Variants in PAN3 observed in about 807,000 individuals in gnomAD.
PAN3 encodes PAN2-PAN3 deadenylation complex subunit PAN3.
PAN3 carries 19 observed loss-of-function variants against 96.2 expected under a neutral mutation model. That is an observed-to-expected ratio of 0.20 (90% CI 0.14 to 0.29). The LOEUF (loss-of-function observed/expected upper bound fraction) is 0.29, where lower values mean the gene tolerates loss of function less well. Ranked by LOEUF, PAN3 falls within the 10% of genes least tolerant of loss-of-function variation. The probability of loss-of-function intolerance (pLI) is 1.00; values close to 1 mark genes in which losing one functional copy is unlikely to be tolerated. For missense variants in PAN3, 882 were observed against 1,108.1 expected, an observed-to-expected ratio of 0.80 and a Z score of 2.90; for synonymous variants, 433 against 406.6, an observed-to-expected ratio of 1.06 and a Z score of -0.78.
chr13:28,254,007 G>C (rs1566231285), intron 6 of PAN3, among the ~76,000 whole-genome samples: 1 of 151,942 alleles, frequency 6.6e-6, no homozygotes, highest in Non-Finnish European at 1.5e-5. Context: ...TCTACTTTTT[G>C]TCTCACTTAC....
At chr13:28,153,232 CTTT>C (rs10651877) in intron 1 of PAN3, among the ~76,000 whole-genome samples, 2 of 101,528 alleles carry the variant, frequency 2.0e-5, no homozygotes, top group East Asian at 3.2e-4. Context: ...GTATAATACG[CTTT>C]TTTTTTTTTT....
intron 1 of PAN3, among the ~76,000 whole-genome samples, chr13:28,160,277 T>C (rs1872736918): frequency 6.6e-6 from 1 of 152,120 alleles, no homozygotes. Flanking sequence ...TATAGTAGGC[T>C]TTTTTGACTT....
At chr13:28,170,594 A>C (rs1874174927) in intron 1 of PAN3, among the ~76,000 whole-genome samples, 1 of 152,198 alleles carries the variant, frequency 6.6e-6, no homozygotes, top group East Asian at 1.9e-4. Flanking sequence ...CTATATTAGA[A>C]AACAATTTTA....
At position 28,273,533 on chromosome 13, in the gene PAN3, G is replaced by A. The variant is rs565325977; in HGVS notation, c.2049+1462G>A. Among the ~76,000 whole-genome samples, 6 of 152,092 alleles carry A rather than the reference G, an allele frequency of 3.9e-5. No individual in the cohort carries two copies. In the East Asian group the frequency reaches 1.2e-3, roughly 29 times the overall value. ...GGAGAATCGCTTGAACCTGGGAGGCGGAGGTTGCAGTGAGCTGAGATCGCA... is the reference window on the plus strand; with the variant it reads ...GGAGAATCGCTTGAACCTGGGAGGCAGAGGTTGCAGTGAGCTGAGATCGCA... On this transcript the variant is annotated intron_variant, in intron 14 of 18. Coordinates refer to ENST00000380958, the MANE Select transcript of PAN3 (RefSeq NM_175854.8).
chr13:28,271,735 TGA>T (rs1886639406), intron 13 of PAN3, among the ~76,000 whole-genome samples: 1 of 152,220 alleles, frequency 6.6e-6, no homozygotes, highest in Admixed American at 6.5e-5. Flanking sequence ...TCAAGAGATG[TGA>T]GTTATAGTTC....
intron 14 of PAN3, among the ~76,000 whole-genome samples, chr13:28,275,070 GA>G (rs1886949480): frequency 6.6e-6 from 1 of 152,184 alleles, no homozygotes; most frequent in Non-Finnish European, 1.5e-5. Context: ...CAAATGGGGG[GA>G]AACCAGATGG....
chr13:28,262,180 A>G (rs45575531), intron 9 of PAN3, among the ~76,000 whole-genome samples: 1,906 of 152,346 alleles, frequency 0.013, 21 homozygotes, highest in Non-Finnish European at 0.02. Context: ...TGAAGTTGAC[A>G]GGTTAAGTAA....
rs77522724 is a variant in PAN3 at position 28,142,774 on chromosome 13, G to C, written c.430+3687G>C. Among the ~76,000 whole-genome samples the C allele has an allele frequency of 6.8e-3, 1,039 of 152,154 alleles. 10 individuals carry two copies. Among genetic ancestry groups the C allele is most frequent in the African/African-American group, 0.024 (1,004 of 41,496 alleles). On this transcript the variant is annotated intron_variant, in intron 1 of 18. Transcript: ENST00000380958. Reference sequence around the variant, plus strand: ...ATTTAATATAGAAGTACAAATTTCTGGTTTCCCTTTAAGGATGTCTCTTAC... The same window carrying C: ...ATTTAATATAGAAGTACAAATTTCTCGTTTCCCTTTAAGGATGTCTCTTAC...
chr13:28,146,522 A>G (rs186675859), intron 1 of PAN3, among the ~76,000 whole-genome samples: 96 of 152,198 alleles, frequency 6.3e-4, no homozygotes, highest in Non-Finnish European at 9.6e-4. Flanking sequence ...TCCTGGCTAT[A>G]TTATCTAGGT....
chr13:28,214,005 C>G lies in PAN3; in HGVS notation c.853-6226C>G, dbSNP rs912482159. ...GATGTAGTAAAATAGTACAGCTAGG[C>G]TGGAGTATCGCTTGAGTGGCTGTAG... On this transcript the variant is annotated intron_variant, in intron 5 of 18. Transcript: ENST00000380958. 2.0e-5 allele frequency among the ~76,000 whole-genome samples: 3 copies of G among 152,018 alleles called. No homozygotes were observed. The East Asian group carries it at 5.8e-4, about 29-fold the overall frequency.
At position 28,176,444 on chromosome 13, in the gene PAN3, T is replaced by C. The variant is rs774234220; in HGVS notation, c.553-49T>C. The C allele has an allele frequency of 3.2e-6, 5 of 1,543,554 alleles. No individual in the cohort carries two copies. The South Asian group carries it at 3.3e-5, about 10-fold the overall frequency. On this transcript the variant is annotated intron_variant, in intron 2 of 18. Transcript: ENST00000380958. Reference sequence around the variant, plus strand: ...CCAGTCTTAATTGGTTGGATACTTTTATTTCTGTATTCCTCAGTGATGTTA... The same window carrying C: ...CCAGTCTTAATTGGTTGGATACTTTCATTTCTGTATTCCTCAGTGATGTTA...
intron 5 of PAN3, chr13:28,215,912 A>T (rs878979182): frequency 8.4e-6 from 10 of 1,192,362 alleles, no homozygotes; most frequent in Non-Finnish European, 1.1e-5. Context: ...TATCCCTAAT[A>T]CCTGCCACTC....
Position 28,199,399 on chromosome 13 carries a change from G to T in PAN3, c.852+2053G>T, listed in dbSNP as rs1000566532. Among the ~76,000 whole-genome samples, 21 of 152,142 alleles carry T rather than the reference G, an allele frequency of 1.4e-4. 1 individual carries two copies. The South Asian group carries it at 4.4e-3, about 32-fold the overall frequency. On this transcript the variant is annotated intron_variant, in intron 5 of 18. Coordinates refer to ENST00000380958, the MANE Select transcript of PAN3 (RefSeq NM_175854.8). The stretch of plus-strand genomic sequence containing the variant: ...TTTATTTATAATTAAAATAGTAATA[G>T]ATTTGCATTAATGTGTGAAATATTG...
intron 1 of PAN3, among the ~76,000 whole-genome samples, chr13:28,143,536 A>G (rs1870163194): frequency 6.6e-6 from 1 of 152,228 alleles, no homozygotes; most frequent in Non-Finnish European, 1.5e-5. Context: ...TGAATAAGAC[A>G]TGTTTCAGAT....
At chr13:28,186,978 A>C (rs898792193) in intron 4 of PAN3, among the ~76,000 whole-genome samples, 3 of 152,160 alleles carry the variant, frequency 2.0e-5, no homozygotes, top group African/African-American at 7.2e-5. Flanking sequence ...CTTTGGGAAG[A>C]TGAGGCAAGA....
chr13:28,230,552 C>CA (rs1042548256), intron 6 of PAN3, among the ~76,000 whole-genome samples: 8 of 151,628 alleles, frequency 5.3e-5, no homozygotes, highest in Middle Eastern at 3.4e-3. Flanking sequence ...CATGTCCTGG[C>CA]AAAAAAAGAA....
At chr13:28,271,844 T>G (rs1593610952) in intron 13 of PAN3, 137 bp from the exon 14 acceptor site, 1 of 500,296 alleles carries the variant, frequency 2.0e-6, no homozygotes, top group South Asian at 3.3e-5. Flanking sequence ...TTGGTGGAGG[T>G]GGTGTGGGGT....
chr13:28,197,344 C>T lies in PAN3; in HGVS notation c.850C>T (p.Gln284Ter). 6.3e-7 allele frequency: 1 copy of T among 1,585,522 alleles called. No homozygotes were observed. Among genetic ancestry groups the T allele is most frequent in the Non-Finnish European group, 8.6e-7 (1 of 1,165,270 alleles). ...WWNRVTENNLQTPNPTASEFI... is the reference protein window; with the variant it reads ...WWNRVTENNL ...GAACAGAGTCACAGAAAACAATTTA[C>T]AGGTAAAAATAATTTTTATTAGACA... Residue 284 changes from glutamine (Q) to a stop codon, truncating the protein, a stop_gained and splice_region_variant, in exon 5 of 19, where the codon CAG becomes TAG. Coordinates refer to ENST00000380958, the MANE Select transcript of PAN3 (RefSeq NM_175854.8). LOFTEE classifies it high-confidence loss of function.
At chr13:28,204,624 G>GA (rs1879135940) in intron 5 of PAN3, among the ~76,000 whole-genome samples, 2 of 152,142 alleles carry the variant, frequency 1.3e-5, no homozygotes, top group Admixed American at 6.5e-5. Flanking sequence ...TAACTCACTT[G>GA]AATATTTTGA....
Sources: allele counts gnomAD v4.1 joint callset (sites outside exome capture counted in the v4.1 genomes callset), GRCh38; gene constraint gnomAD v4.1.1; transcripts MANE v1.5; gene names NCBI Gene and HGNC (gene_info 2026-07-23, HGNC 2026-07-21).